The following PHACTR1 variants were observed in gnomAD, a reference collection of about 807,000 sequenced individuals.
PHACTR1 encodes phosphatase and actin regulator 1, also known as RPEL repeat containing 1.
PHACTR1 carries 16 observed loss-of-function variants against 69.2 expected under a neutral mutation model. That is an observed-to-expected ratio of 0.23 (90% CI 0.16 to 0.35). PHACTR1 has a LOEUF of 0.35. Ranked by LOEUF, PHACTR1 falls within the 10% of genes least tolerant of loss-of-function variation. The pLI is 1.00. For synonymous variants in PHACTR1, 312 were observed against 284.5 expected (o/e 1.10, Z -0.97); for missense variants, 510 against 734.7 (o/e 0.69, Z 3.54).
chr6:13,284,886 C>T (rs952503678), intron 13 of PHACTR1, among the ~76,000 whole-genome samples: 12 of 152,136 alleles, frequency 7.9e-5, no homozygotes, highest in Non-Finnish European at 1.6e-4. Context: ...CGGGTCAACC[C>T]ACAGACACCA....
intron 4 of PHACTR1, among the ~76,000 whole-genome samples, chr6:12,938,717 G>A (rs1789739817): frequency 6.6e-6 from 1 of 151,924 alleles, no homozygotes; most frequent in Non-Finnish European, 1.5e-5. Flanking sequence ...CCCCTCCCCA[G>A]ACTCCCATCT....
chr6:12,894,660 C>G (rs1251099553), intron 4 of PHACTR1, among the ~76,000 whole-genome samples: 1 of 152,080 alleles, frequency 6.6e-6, no homozygotes. Context: ...TGCTGTCACC[C>G]CTAACCACAT....
chr6:12,810,700 G>T (rs1037136028), intron 4 of PHACTR1, among the ~76,000 whole-genome samples: 10 of 152,146 alleles, frequency 6.6e-5, no homozygotes, highest in Non-Finnish European at 1.3e-4. Flanking sequence ...TAGCTGAGGT[G>T]GTTGACTCTG....
At chr6:12,791,934 A>T (rs978788194) in intron 4 of PHACTR1, among the ~76,000 whole-genome samples, 1 of 152,210 alleles carries the variant, frequency 6.6e-6, no homozygotes, top group Non-Finnish European at 1.5e-5. Context: ...GTTAAGAGTC[A>T]TGGAGGAAAA....
intron 5 of PHACTR1, among the ~76,000 whole-genome samples, chr6:13,157,989 C>T (rs1052691974): frequency 1.3e-5 from 2 of 152,116 alleles, no homozygotes; most frequent in South Asian, 4.1e-4. Flanking sequence ...TCAAGCAATC[C>T]TCCTGTCTCA....
intron 6 of PHACTR1, among the ~76,000 whole-genome samples, chr6:13,171,787 A>G (rs1760661219): frequency 6.6e-6 from 1 of 151,586 alleles, no homozygotes; most frequent in South Asian, 2.1e-4. Flanking sequence ...TTTTTTTTAG[A>G]TGGAGTTTCA....
At chr6:12,974,938 C>T (rs1438137551) in intron 4 of PHACTR1, among the ~76,000 whole-genome samples, 1 of 152,226 alleles carries the variant, frequency 6.6e-6, no homozygotes, top group Non-Finnish European at 1.5e-5. Context: ...TATGTATTCA[C>T]TTACTTCCTC....
intron 8 of PHACTR1, among the ~76,000 whole-genome samples, chr6:13,220,271 A>G (rs114869343): frequency 0.018 from 2,691 of 152,316 alleles, 73 homozygotes; most frequent in African/African-American, 0.061. Flanking sequence ...AATGCTGTTC[A>G]GTTTCTGCAT....
intron 11 of PHACTR1, among the ~76,000 whole-genome samples, chr6:13,276,507 C>T (rs1357547986): frequency 6.6e-6 from 1 of 152,230 alleles, no homozygotes; most frequent in Non-Finnish European, 1.5e-5. Flanking sequence ...CGCGGTGGCT[C>T]ACGCCTATAA....
intron 4 of PHACTR1, among the ~76,000 whole-genome samples, chr6:12,985,541 A>AATATATATAT (rs70989819): frequency 1.5e-5 from 2 of 132,768 alleles, no homozygotes; most frequent in African/African-American, 2.9e-5. Context: ...AAAAAAAAAA[A>AATATATATAT]ATATATATAT....
chr6:12,864,498 C>G (rs1466162331), intron 4 of PHACTR1, among the ~76,000 whole-genome samples: 2 of 152,044 alleles, frequency 1.3e-5, no homozygotes, highest in African/African-American at 2.4e-5. Context: ...GGCTAACACG[C>G]TGAAACCCCT....
chr6:13,193,357 G>GTATATGTATATATATATATATATATATA (rs1554152202), intron 7 of PHACTR1, among the ~76,000 whole-genome samples: 20 of 68,190 alleles, frequency 2.9e-4, no homozygotes, highest in Admixed American at 5.6e-4. Context: ...AGCTCTCTGT[G>GTATATGTATATATATATATATATATATA]TATATATATA....
chr6:13,169,882 T>C (rs1356916289), intron 6 of PHACTR1, among the ~76,000 whole-genome samples: 1 of 152,254 alleles, frequency 6.6e-6, no homozygotes, highest in Non-Finnish European at 1.5e-5. Flanking sequence ...AATTTTTGTA[T>C]GTTTGTCCTC....
intron 4 of PHACTR1, among the ~76,000 whole-genome samples, chr6:12,957,035 C>T (rs796576180): frequency 7.7e-6 from 1 of 129,642 alleles, no homozygotes; most frequent in East Asian, 2.6e-4. Flanking sequence ...GTCATTGTGT[C>T]GCGTTTTGAG....
rs1187827512 is a variant in PHACTR1 at position 13,231,435 on chromosome 6, AGGAG to A, written c.1391+1252_1391+1255del. ...AAAGAGAAAGAGAGAGCGAAAGAGA[AGGAG>A]GGAGGGAGGAAGGAAAGAAGGAAGG... is the stretch of plus-strand genomic sequence containing the variant. On this transcript the variant is annotated intron_variant, in intron 10 of 14. Transcript: ENST00000332995. Among the ~76,000 whole-genome samples the A allele has an allele frequency of 1.6e-4, 14 of 87,716 alleles. 1 individual carries two copies. The highest frequency in any genetic ancestry group is 1.2e-3 in the East Asian group (4 of 3,420). 57.5% of individuals were successfully genotyped at this position (87,716 alleles called of 152,430 possible).
At chr6:13,284,425 G>A (rs1781021383) in intron 13 of PHACTR1, among the ~76,000 whole-genome samples, 2 of 147,536 alleles carry the variant, frequency 1.4e-5, no homozygotes, top group Admixed American at 1.4e-4. Context: ...GCTGAGGCAG[G>A]AGAATTGCTT....
At chr6:12,733,913 T>C (rs1190015166) in intron 3 of PHACTR1, among the ~76,000 whole-genome samples, 1 of 152,188 alleles carries the variant, frequency 6.6e-6, no homozygotes, top group Non-Finnish European at 1.5e-5. Context: ...TCAAGTAAGA[T>C]TGGAAAAGTT....
chr6:12,807,228 G>A (rs927869681), intron 4 of PHACTR1, among the ~76,000 whole-genome samples: 2 of 152,156 alleles, frequency 1.3e-5, no homozygotes, highest in African/African-American at 4.8e-5. Context: ...GGTACCCGAT[G>A]AGTAGTTCAT....
chr6:13,147,012 A>T (rs1204434787), intron 5 of PHACTR1, among the ~76,000 whole-genome samples: 1 of 152,212 alleles, frequency 6.6e-6, no homozygotes, highest in Non-Finnish European at 1.5e-5. Flanking sequence ...ATCACATGAC[A>T]TTCTCTTTCA....
Sources: allele counts gnomAD v4.1 joint callset (sites outside exome capture counted in the v4.1 genomes callset), GRCh38; gene constraint gnomAD v4.1.1; transcripts MANE v1.5; gene names NCBI Gene and HGNC (gene_info 2026-07-23, HGNC 2026-07-21).